The following CNOT1 variants were observed in gnomAD, a reference collection of about 807,000 sequenced individuals.
The protein encoded by CNOT1 is CCR4-associated factor 1.
CNOT1 carries 15 observed loss-of-function variants against 273.8 expected under a neutral mutation model. That is an observed-to-expected ratio of 0.05 (90% CI 0.04 to 0.08). The LOEUF (loss-of-function observed/expected upper bound fraction) is 0.08. CNOT1 is among the 10% of genes least tolerant of loss of function. CNOT1 has a pLI of 1.00. For synonymous variants in CNOT1, 1,022 were observed against 1,005.5 expected, an observed-to-expected ratio of 1.02 and a Z score of -0.31; for missense variants, 1,644 against 2,912.2, an observed-to-expected ratio of 0.56 and a Z score of 10.02.
chr16:58,618,100 T>A (rs181502362), intron 1 of CNOT1, among the ~76,000 whole-genome samples: 4 of 152,286 alleles, frequency 2.6e-5, no homozygotes, highest in Non-Finnish European at 4.4e-5. Context: ...GCAGCTTACA[T>A]AAAGTGGCTA....
rs775399471 is a variant in CNOT1 at position 58,537,025 on chromosome 16, G to A, written c.5610C>T (p.Arg1870=). The A allele has an allele frequency of 2.2e-5, 35 of 1,613,988 alleles. No individual in the cohort carries two copies. The highest frequency in any genetic ancestry group is 4.0e-5 in the African/African-American group (3 of 74,886). The change falls in exon 39 of 49, where the codon CGC becomes CGT. Residue 1870 remains arginine (R), a synonymous_variant. Coordinates refer to ENST00000317147, the MANE Select transcript of CNOT1 (RefSeq NM_016284.5). ...VNLYHSAAAG[R]DSTKAFSAFV... Reference sequence around the variant, plus strand: ...ATGCAGAGAAAGCTTTGGTACTGTCGCGGCCAGCTGCTGCTGAATGGTAGA... The same window carrying A: ...ATGCAGAGAAAGCTTTGGTACTGTCACGGCCAGCTGCTGCTGAATGGTAGA...
At chr16:58,528,302 A>G in intron 44 of CNOT1, 173 bp downstream of exon 44, 1 of 634,508 alleles carries the variant, frequency 1.6e-6, no homozygotes, top group East Asian at 2.7e-5. Context: ...CAACAGCAAT[A>G]GCAACAATAT....
At chr16:58,616,567 T>C (rs2043091030) in intron 1 of CNOT1, among the ~76,000 whole-genome samples, 1 of 152,164 alleles carries the variant, frequency 6.6e-6, no homozygotes, top group African/African-American at 2.4e-5. Context: ...GGTTTTTTCG[T>C]TTTTTGTTTT....
chr16:58,574,613 C>A lies in CNOT1; in HGVS notation c.1975G>T (p.Ala659Ser), dbSNP rs2041399115. ...ATMLACLQACAGSVSQELSET... is the reference protein window; with the variant it reads ...ATMLACLQACSGSVSQELSET... Reference sequence around the variant, plus strand: ...ATTCATGTATGTACTTCTTACCCTGCACAAGCTTGCAGACAGGCCAACATT... The same window carrying A: ...ATTCATGTATGTACTTCTTACCCTGAACAAGCTTGCAGACAGGCCAACATT... Residue 659 changes from alanine to serine, a missense_variant, in exon 16 of 49, where the codon GCA becomes TCA. Ala to Ser is a moderately conservative substitution (Grantham distance 99, BLOSUM62 1). Coordinates refer to ENST00000317147, the MANE Select transcript of CNOT1 (RefSeq NM_016284.5). The A allele has an allele frequency of 1.3e-6, 2 of 1,583,456 alleles. No homozygotes were observed. Among genetic ancestry groups the A allele is most frequent in the South Asian group, 1.2e-5 (1 of 85,850 alleles).
At chr16:58,574,130 G>C (rs538710169) in intron 16 of CNOT1, among the ~76,000 whole-genome samples, 1 of 152,046 alleles carries the variant, frequency 6.6e-6, no homozygotes, top group South Asian at 2.1e-4. Flanking sequence ...AATTTAACCA[G>C]CTGAGAGTGG....
rs1277688814 is a variant in CNOT1, at chr16:58,520,396, A to C, written c.*562T>G. The C allele has an allele frequency of 1.9e-5, 3 of 154,276 alleles. No individual in the cohort carries two copies. The highest frequency in any genetic ancestry group is 1.9e-4 in the Admixed American group (3 of 15,764). The allele number at this position is 154,276 out of a possible 1,614,324, so 9.6% of individuals were successfully genotyped here. A position where few individuals can be genotyped will look rare whatever the true frequency, so the allele number is the denominator to read the frequency against. ...ATACGTTTGGGTAGAGACAAAATGG[A>C]AACTCATGGGATTCCAATAGTGAGC... On this transcript the variant is annotated 3_prime_UTR_variant, in exon 49 of 49. Transcript: ENST00000317147.
At position 58,538,280 on chromosome 16, in the gene CNOT1, A is replaced by C. The variant is rs1309414469; in HGVS notation, c.5136-14T>G. On this transcript the variant is annotated splice_polypyrimidine_tract_variant and intron_variant, in intron 36 of 48. Coordinates refer to ENST00000317147, the MANE Select transcript of CNOT1 (RefSeq NM_016284.5). ...TCAATTAGGCACCTAGAAAAAGTTC[A>C]ATATCTTTACTCATATAGGCTTAAC... 1 of 1,032,120 alleles carries C rather than the reference A, an allele frequency of 9.7e-7. No homozygotes were observed. Among genetic ancestry groups the C allele is most frequent in the Non-Finnish European group, 1.5e-6 (1 of 648,354 alleles). The allele number at this position is 1,032,120 out of a possible 1,614,324, so 63.9% of individuals were successfully genotyped here. A position where few individuals can be genotyped will look rare whatever the true frequency, so the allele number is the denominator to read the frequency against.
Position 58,555,885 on chromosome 16 carries a change from C to G in CNOT1, c.2503G>C (p.Glu835Gln). Residue 835 changes from glutamate to glutamine, a missense_variant, in exon 20 of 49, where the codon GAG (glutamate) becomes CAG (glutamine). By Grantham distance (29) the Glu-to-Gln change is conservative. Coordinates refer to ENST00000317147, the MANE Select transcript of CNOT1 (RefSeq NM_016284.5). ...KPSDLSQVWP[E>Q]ANQHFSKEID... ...TCTTTACTAAAGTGCTGGTTTGCCT[C>G]TGGCCACACCTGAGACAAGTCCGCT... is the stretch of plus-strand genomic sequence containing the variant. The G allele has an allele frequency of 1.2e-6, 2 of 1,613,170 alleles. No homozygotes were observed. The highest frequency in any genetic ancestry group is 1.7e-6 in the Non-Finnish European group (2 of 1,180,014).
chr16:58,550,588 G>C (rs2040416764), intron 24 of CNOT1, among the ~76,000 whole-genome samples: 1 of 151,686 alleles, frequency 6.6e-6, no homozygotes, highest in Admixed American at 6.6e-5. Context: ...TATAAGATAG[G>C]TGTTAATCAA....
chr16:58,537,320 T>C, intron 38 of CNOT1, 100 bp from the exon 39 acceptor site: 1 of 1,478,136 alleles, frequency 6.8e-7, no homozygotes, highest in East Asian at 2.4e-5. Context: ...ACCACCAGAG[T>C]GGTTTACCAC....
Position 58,622,238 on chromosome 16 carries a change from C to T in CNOT1, c.-175+7490G>A, listed in dbSNP as rs137964720. On this transcript the variant is annotated intron_variant, in intron 1 of 48. Coordinates refer to ENST00000317147, the MANE Select transcript of CNOT1 (RefSeq NM_016284.5). The stretch of plus-strand genomic sequence containing the variant: ...CTGAGGCAGGAGAATGGCGTGAACC[C>T]GGGTAGCACAGCTTGCAGTGAGCCG... Among the ~76,000 whole-genome samples the T allele has an allele frequency of 2.0e-3, 305 of 148,894 alleles. 1 individual carries two copies. Among genetic ancestry groups the T allele is most frequent in the African/African-American group, 7.3e-3 (297 of 40,532 alleles).
chr16:58,624,986 A>G (rs554073728), intron 1 of CNOT1, among the ~76,000 whole-genome samples: 2 of 151,866 alleles, frequency 1.3e-5, no homozygotes, highest in Non-Finnish European at 2.9e-5. Context: ...GGTGGCTCAC[A>G]TCTGTAATCA....
At position 58,542,449 on chromosome 16, in the gene CNOT1, C is replaced by T. The variant is rs200116525; in HGVS notation, c.4554G>A (p.Glu1518=). 1.4e-5 allele frequency: 23 copies of T among 1,614,168 alleles called. No individual in the cohort carries two copies. The East Asian group carries it at 5.1e-4, about 36-fold the overall frequency. ...TTACAGTTGCTAATCTCTTGTCCAT[C>T]TCAGGGCCTGCTTTTTCTACTGCAG... is the stretch of plus-strand genomic sequence containing the variant. ...QKTAVEKAGP[E]MDKRLATEFE... The change falls in exon 32 of 49, where the codon GAG becomes GAA. Residue 1518 remains glutamate (E), a synonymous_variant. Transcript: ENST00000317147.
At chr16:58,601,677 A>G (rs1430491663) in intron 1 of CNOT1, among the ~76,000 whole-genome samples, 2 of 151,022 alleles carry the variant, frequency 1.3e-5, no homozygotes, top group Admixed American at 6.6e-5. Flanking sequence ...TAAAGGATAC[A>G]TAGTTTTATG....
chr16:58,539,011 C>T (rs936093465), intron 35 of CNOT1, 97 bp from the exon 36 acceptor site: 1 of 1,493,168 alleles, frequency 6.7e-7, no homozygotes, highest in Non-Finnish European at 8.9e-7. Context: ...GTACCAAATA[C>T]CTTCCAAAGC....
intron 1 of CNOT1, among the ~76,000 whole-genome samples, chr16:58,619,059 T>C (rs377634288): frequency 7.7e-4 from 117 of 152,142 alleles, no homozygotes; most frequent in African/African-American, 2.8e-3. Context: ...TAGCTGGACG[T>C]AGTGGTGCAC....
Position 58,610,300 on chromosome 16 carries a change from TC to T in CNOT1, c.-174-10790del, listed in dbSNP as rs199656322. Among the ~76,000 whole-genome samples the T allele has an allele frequency of 3.3e-3, 499 of 152,262 alleles. 10 individuals carry two copies. The East Asian group carries it at 0.055, about 17-fold the overall frequency. On this transcript the variant is annotated intron_variant, in intron 1 of 48. Transcript: ENST00000317147. ...CAGGCATGGTGGTAGACACCTGTAA[TC>T]CCAGCTACTCAGAGAATCGCTTAAA...
intron 16 of CNOT1, among the ~76,000 whole-genome samples, chr16:58,568,659 G>A (rs1021551671): frequency 2.6e-5 from 4 of 151,564 alleles, no homozygotes; most frequent in East Asian, 1.9e-4. Flanking sequence ...CATCCTGGGC[G>A]ACAGAGCGAG....
chr16:58,616,587 A>G (rs1440582712), intron 1 of CNOT1, among the ~76,000 whole-genome samples: 2 of 152,142 alleles, frequency 1.3e-5, no homozygotes, highest in African/African-American at 4.8e-5. Context: ...TTAAAGGAAA[A>G]CAAGATATAG....
Sources: gnomAD v4.1 joint callset for allele counts (sites outside exome capture counted in the v4.1 genomes callset) on GRCh38, gnomAD v4.1.1 for gene constraint, MANE v1.5 for transcripts, NCBI Gene and HGNC (gene_info 2026-07-23, HGNC 2026-07-21) for gene names.